The following TAFA1 variants were observed in gnomAD, a reference collection of about 807,000 sequenced individuals.
The protein encoded by TAFA1 is chemokine-like protein TAFA-1.
In TAFA1, 4 loss-of-function variants were observed where a neutral mutation model predicts 18.5. The observed-to-expected ratio is 0.22, with a 90% CI of 0.11 to 0.49. The LOEUF (loss-of-function observed/expected upper bound fraction) is 0.49. Among genes scored for constraint, TAFA1 ranks in the 20% least tolerant of loss-of-function variants. The pLI, the probability that TAFA1 is intolerant of heterozygous loss-of-function variation, is 0.98. For synonymous variants in TAFA1, 56 were observed against 55.2 expected (o/e 1.01, Z -0.06); for missense variants, 147 against 169.0 (o/e 0.87, Z 0.72).
chr3:67,993,390 C>T, the TAFA1 span, among the ~76,000 whole-genome samples: 1 of 152,140 alleles, frequency 6.6e-6, no homozygotes, highest in Non-Finnish European at 1.5e-5. Flanking sequence ...AACTGTAAGG[C>T]GGAAGCAGCA....
intron 2 of TAFA1, among the ~76,000 whole-genome samples, chr3:68,370,673 G>C: frequency 6.7e-6 from 1 of 148,248 alleles, no homozygotes. Flanking sequence ...AATCTTATGA[G>C]AATTAGAAGT....
chr3:68,310,229 G>A (rs958847684), intron 2 of TAFA1, among the ~76,000 whole-genome samples: 1 of 151,938 alleles, frequency 6.6e-6, no homozygotes, highest in Non-Finnish European at 1.5e-5. Context: ...CCAAACCATA[G>A]ACTTCACCAC....
intron 2 of TAFA1, among the ~76,000 whole-genome samples, chr3:68,256,960 A>G (rs1559581656): frequency 6.6e-6 from 1 of 152,062 alleles, no homozygotes; most frequent in Non-Finnish European, 1.5e-5. Flanking sequence ...GGTTCATGTC[A>G]TTCCTACACT....
chr3:68,383,349 G>A (rs1248697373), intron 2 of TAFA1, among the ~76,000 whole-genome samples: 1 of 152,004 alleles, frequency 6.6e-6, no homozygotes, highest in Non-Finnish European at 1.5e-5. Flanking sequence ...ATTATTTTGA[G>A]GTATGTTCCT....
At chr3:68,518,557 G>C (rs1403185252) in intron 3 of TAFA1, among the ~76,000 whole-genome samples, 1 of 152,146 alleles carries the variant, frequency 6.6e-6, no homozygotes, top group Non-Finnish European at 1.5e-5. Flanking sequence ...GATGGTTACT[G>C]ATTAGTAATT....
chr3:68,268,340 A>G (rs1409953610), intron 2 of TAFA1, among the ~76,000 whole-genome samples: 3 of 152,224 alleles, frequency 2.0e-5, no homozygotes, highest in Middle Eastern at 3.4e-3. Flanking sequence ...TGAAACTTTG[A>G]CATTTTGAGT....
chr3:68,174,549 G>T (rs2066099689), intron 2 of TAFA1, among the ~76,000 whole-genome samples: 1 of 152,152 alleles, frequency 6.6e-6, no homozygotes, highest in South Asian at 2.1e-4. Context: ...AGCAGAGACT[G>T]GCAGCATTTT....
At chr3:68,447,042 G>T (rs1353654704) in intron 3 of TAFA1, among the ~76,000 whole-genome samples, 1 of 152,124 alleles carries the variant, frequency 6.6e-6, no homozygotes, top group Non-Finnish European at 1.5e-5. Context: ...TGGGTCAGTT[G>T]CTGTCACCAT....
intron 3 of TAFA1, among the ~76,000 whole-genome samples, chr3:68,462,043 C>T (rs969567529): frequency 2.6e-5 from 4 of 152,058 alleles, no homozygotes; most frequent in Admixed American, 2.6e-4. Context: ...AAAAGTTACA[C>T]TTTGGAAAAC....
chr3:68,339,166 C>A (rs777680483), intron 2 of TAFA1, among the ~76,000 whole-genome samples: 1 of 152,140 alleles, frequency 6.6e-6, no homozygotes, highest in Non-Finnish European at 1.5e-5. Context: ...TGTAAAGAAC[C>A]GCAGCAGTGC....
chr3:68,176,071 A>G (rs149309264), intron 2 of TAFA1, among the ~76,000 whole-genome samples: 2 of 152,304 alleles, frequency 1.3e-5, no homozygotes, highest in East Asian at 3.9e-4. Flanking sequence ...CCCTTCTGCC[A>G]TGATTGTGAG....
intron 3 of TAFA1, among the ~76,000 whole-genome samples, chr3:68,488,073 A>G (rs1286921305): frequency 2.0e-5 from 3 of 152,182 alleles, no homozygotes. Flanking sequence ...CGTATGTATT[A>G]GCCAGGGTTC....
At chr3:68,209,489 A>G (rs1429877219) in intron 2 of TAFA1, among the ~76,000 whole-genome samples, 1 of 152,040 alleles carries the variant, frequency 6.6e-6, no homozygotes, top group Non-Finnish European at 1.5e-5. Context: ...TCTTGTAGAC[A>G]ATTAAGTTAA....
At chr3:68,374,163 G>A (rs2069765130) in intron 2 of TAFA1, among the ~76,000 whole-genome samples, 1 of 152,120 alleles carries the variant, frequency 6.6e-6, no homozygotes, top group Admixed American at 6.6e-5. Context: ...CACAACTCCA[G>A]TGATTAAATG....
rs76568949 is a variant in TAFA1 at position 68,453,284 on chromosome 3, T to C, written c.259+35864T>C. Among the ~76,000 whole-genome samples, 355 of 152,296 alleles carry C rather than the reference T, an allele frequency of 2.3e-3. 1 individual carries two copies. Among genetic ancestry groups the C allele is most frequent in the African/African-American group, 8.0e-3 (332 of 41,548 alleles). ...TTGTGCTGGGGACTGACAGGTCCTA[T>C]ATTAGGATGTGAAAATGTCTGCAAT... On this transcript the variant is annotated intron_variant, in intron 3 of 4. Coordinates refer to ENST00000478136, the MANE Select transcript of TAFA1 (RefSeq NM_213609.4).
At chr3:68,405,849 G>T (rs1197053510) in intron 2 of TAFA1, among the ~76,000 whole-genome samples, 1 of 150,602 alleles carries the variant, frequency 6.6e-6, no homozygotes, top group Non-Finnish European at 1.5e-5. Flanking sequence ...AAAGGCAAAT[G>T]ACTCCATTTT....
intron 2 of TAFA1, among the ~76,000 whole-genome samples, chr3:68,215,529 A>T (rs968134186): frequency 3.3e-5 from 5 of 152,054 alleles, no homozygotes; most frequent in African/African-American, 1.2e-4. Flanking sequence ...AAAATTACAA[A>T]CTTCTGCTCT....
At chr3:68,165,876 T>C (rs942203669) in intron 2 of TAFA1, among the ~76,000 whole-genome samples, 3 of 152,274 alleles carry the variant, frequency 2.0e-5, no homozygotes, top group Admixed American at 1.3e-4. Context: ...GCACATAGTA[T>C]GCACTCAAAT....
At chr3:68,281,629 C>A (rs1391608343) in intron 2 of TAFA1, among the ~76,000 whole-genome samples, 1 of 151,980 alleles carries the variant, frequency 6.6e-6, no homozygotes, top group Non-Finnish European at 1.5e-5. Context: ...CCCCACCATG[C>A]TCAGCTAATT....
Sources: gnomAD v4.1 joint callset for allele counts (sites outside exome capture counted in the v4.1 genomes callset) on GRCh38, gnomAD v4.1.1 for gene constraint, MANE v1.5 for transcripts, NCBI Gene and HGNC (gene_info 2026-07-23, HGNC 2026-07-21) for gene names.